SPTLC2: variants seen among roughly 807,000 people sequenced by gnomAD.
SPTLC2 encodes serine palmitoyltransferase long chain base subunit 2.
In SPTLC2, 21 loss-of-function variants were observed where a neutral mutation model predicts 62.0. That is an observed-to-expected ratio of 0.34 (90% confidence interval 0.24 to 0.49). The LOEUF is 0.49. Among genes scored for constraint, SPTLC2 ranks in the 20% least tolerant of loss-of-function variants. The probability of loss-of-function intolerance (pLI) is 0.99; values close to 1 mark genes in which losing one functional copy is unlikely to be tolerated. For synonymous variants in SPTLC2, 261 were observed against 261.8 expected, an observed-to-expected ratio of 1.00 and a Z score of 0.03; for missense variants, 511 against 713.0, an observed-to-expected ratio of 0.72 and a Z score of 3.23.
intron 11 of SPTLC2, among the ~76,000 whole-genome samples, chr14:77,516,546 TA>T (rs938595405): frequency 1.3e-5 from 2 of 151,616 alleles, no homozygotes; most frequent in African/African-American, 4.8e-5. Context: ...ATCTCTAGGT[TA>T]AAAAAAATCA....
At chr14:77,573,836 T>G (rs1306704621) in intron 4 of SPTLC2, among the ~76,000 whole-genome samples, 1 of 152,164 alleles carries the variant, frequency 6.6e-6, no homozygotes, top group East Asian at 1.9e-4. Flanking sequence ...TTCACCATGT[T>G]GGCTAGGCTG....
chr14:77,550,026 A>C (rs1447174773), intron 9 of SPTLC2, among the ~76,000 whole-genome samples: 1 of 152,222 alleles, frequency 6.6e-6, no homozygotes, highest in Non-Finnish European at 1.5e-5. Flanking sequence ...ATATGTGTGT[A>C]TATATGTCTG....
intron 4 of SPTLC2, among the ~76,000 whole-genome samples, chr14:77,573,113 T>A (rs1334793713): frequency 6.6e-6 from 1 of 152,174 alleles, no homozygotes; most frequent in African/African-American, 2.4e-5. Context: ...GCTTTTAACA[T>A]GCCTTCCTCA....
At chr14:77,512,463 G>GTGTT (rs2139989212) in intron 11 of SPTLC2, 60 bp from the exon 12 acceptor site, 1 of 1,612,722 alleles carries the variant, frequency 6.2e-7, no homozygotes, top group Non-Finnish European at 8.5e-7. Context: ...GGCATGCCTG[G>GTGTT]TGTTTTACTT....
intron 5 of SPTLC2, among the ~76,000 whole-genome samples, chr14:77,564,644 A>G (rs2079634880): frequency 6.6e-6 from 1 of 152,094 alleles, no homozygotes; most frequent in Admixed American, 6.5e-5. Flanking sequence ...TGGGATAGGG[A>G]AAATATAAGA....
At chr14:77,580,939 T>C (rs2079746605) in intron 2 of SPTLC2, among the ~76,000 whole-genome samples, 1 of 152,188 alleles carries the variant, frequency 6.6e-6, no homozygotes, top group African/African-American at 2.4e-5. Flanking sequence ...CTCTGAGAGA[T>C]TAAGTTGTAC....
intron 10 of SPTLC2, among the ~76,000 whole-genome samples, chr14:77,520,056 T>C (rs1351531150): frequency 6.6e-6 from 1 of 152,170 alleles, no homozygotes; most frequent in East Asian, 1.9e-4. Flanking sequence ...TTGTGCCCTT[T>C]TGGGTCCTGT....
chr14:77,616,504 G>A lies in SPTLC2; in HGVS notation c.76C>T (p.Arg26Trp). ...ANGCVANGEV[R>W]NGYVRSSAAA... ...GCGCTGCTCCTCACGTACCCGTTCCGTACTTCCCCGTTCGCCACGCAGCCA... is the reference window on the plus strand; with the variant it reads ...GCGCTGCTCCTCACGTACCCGTTCCATACTTCCCCGTTCGCCACGCAGCCA... Residue 26 changes from arginine (R) to tryptophan (W), a missense_variant, in exon 1 of 12, where the codon CGG becomes TGG. Coordinates refer to ENST00000216484, the MANE Select transcript of SPTLC2 (RefSeq NM_004863.4). 1 of 1,534,038 alleles carries A rather than the reference G, an allele frequency of 6.5e-7. No individual in the cohort carries two copies. Among genetic ancestry groups the A allele is most frequent in the Admixed American group, 2.0e-5 (1 of 50,946 alleles).
chr14:77,587,881 T>TAAA (rs34274132), intron 2 of SPTLC2, among the ~76,000 whole-genome samples: 1 of 149,980 alleles, frequency 6.7e-6, no homozygotes, highest in Non-Finnish European at 1.5e-5. Flanking sequence ...GACAAGATAG[T>TAAA]AAAAAAAAAA....
Position 77,521,556 on chromosome 14 carries a change from A to T in SPTLC2, c.1329T>A (p.Ala443=). 1.2e-6 allele frequency: 2 copies of T among 1,614,144 alleles called. No homozygotes were observed. The highest frequency in any genetic ancestry group is 1.7e-6 in the Non-Finnish European group (2 of 1,179,996). Residue 443 remains alanine, a synonymous_variant, in exon 10 of 12, where the codon GCT becomes GCA. Coordinates refer to ENST00000216484, the MANE Select transcript of SPTLC2 (RefSeq NM_004863.4). ...SLGKECVQQL[A]ENTRYFRRRL... Reference sequence around the variant, plus strand: ...GTCTCCTGAAATACCTGGTGTTTTCAGCTAACTGTTGTACACACTCTTTAC... The same window carrying T: ...GTCTCCTGAAATACCTGGTGTTTTCTGCTAACTGTTGTACACACTCTTTAC...
At chr14:77,599,226 T>C (rs1262665661) in intron 1 of SPTLC2, among the ~76,000 whole-genome samples, 1 of 152,254 alleles carries the variant, frequency 6.6e-6, no homozygotes, top group Admixed American at 6.5e-5. Context: ...GTGTTAACTT[T>C]AATCTTAACT....
chr14:77,530,477 C>T (rs931822206), intron 9 of SPTLC2, among the ~76,000 whole-genome samples: 4 of 151,958 alleles, frequency 2.6e-5, no homozygotes, highest in Non-Finnish European at 4.4e-5. Context: ...TACAGGTGCC[C>T]GCCACCAGAC....
chr14:77,582,341 ATGGCG>A (rs1268923535), intron 2 of SPTLC2, among the ~76,000 whole-genome samples: 1 of 152,198 alleles, frequency 6.6e-6, no homozygotes, highest in East Asian at 1.9e-4. Flanking sequence ...GGCATGAGCT[ATGGCG>A]CCCGGCCAAT....
intron 1 of SPTLC2, among the ~76,000 whole-genome samples, chr14:77,615,466 G>A (rs2079961398): frequency 6.6e-6 from 1 of 152,192 alleles, no homozygotes; most frequent in Non-Finnish European, 1.5e-5. Context: ...GGGAAACAGA[G>A]TACTTTCTAA....
At chr14:77,546,753 G>T (rs1851287943) in intron 9 of SPTLC2, among the ~76,000 whole-genome samples, 1 of 145,768 alleles carries the variant, frequency 6.9e-6, no homozygotes, top group Non-Finnish European at 1.5e-5. Context: ...TTTTTTTTTG[G>T]AGATGGAGTT....
At chr14:77,564,251 A>AAAG (rs1183067072) in intron 5 of SPTLC2, among the ~76,000 whole-genome samples, 2 of 147,838 alleles carry the variant, frequency 1.4e-5, no homozygotes, top group South Asian at 2.2e-4. Flanking sequence ...AAAAAAAAAA[A>AAAG]AGGAGGAGGA....
At chr14:77,549,241 C>A (rs1366152294) in intron 9 of SPTLC2, among the ~76,000 whole-genome samples, 9 of 133,808 alleles carry the variant, frequency 6.7e-5, no homozygotes, top group East Asian at 4.3e-4. Flanking sequence ...AAAAAAAAAA[C>A]CAGCCACAAA....
At chr14:77,611,419 T>C (rs967314722) in intron 1 of SPTLC2, among the ~76,000 whole-genome samples, 7 of 132,270 alleles carry the variant, frequency 5.3e-5, no homozygotes, top group Non-Finnish European at 1.1e-4. Context: ...GCTATGACTG[T>C]GCTACTGCAG....
At chr14:77,512,806 C>T (rs1339447767) in intron 11 of SPTLC2, among the ~76,000 whole-genome samples, 1 of 152,132 alleles carries the variant, frequency 6.6e-6, no homozygotes, top group Non-Finnish European at 1.5e-5. Context: ...ACCTCCACTT[C>T]CCAGGTTCAA....
Sources: allele counts gnomAD v4.1 joint callset (sites outside exome capture counted in the v4.1 genomes callset), GRCh38; gene constraint gnomAD v4.1.1; transcripts MANE v1.5; gene names NCBI Gene and HGNC (gene_info 2026-07-23, HGNC 2026-07-21).